The following EPHA6 variants were observed in gnomAD, a reference collection of about 807,000 sequenced individuals.
The protein encoded by EPHA6 is EPH receptor A6.
In EPHA6, 50 loss-of-function variants were observed where a neutral mutation model predicts 112.0. The ratio of observed to expected loss-of-function variants is 0.45; its 90% CI spans 0.36 to 0.56. The LOEUF is 0.56. Ranked by LOEUF, EPHA6 falls within the 20% of genes least tolerant of loss-of-function variation. The pLI is 0.00. For synonymous variants in EPHA6, 529 were observed against 490.7 expected, an observed-to-expected ratio of 1.08 and a Z score of -1.03; for missense variants, 1,280 against 1,417.4, an observed-to-expected ratio of 0.90 and a Z score of 1.56.
At chr3:96,890,313 A>G (rs2037880079) in intron 2 of EPHA6, among the ~76,000 whole-genome samples, 1 of 152,178 alleles carries the variant, frequency 6.6e-6, no homozygotes, top group Non-Finnish European at 1.5e-5. Flanking sequence ...CAAACCAACA[A>G]GAAGACAGAT....
At chr3:97,143,302 C>T (rs1234693394) in intron 3 of EPHA6, among the ~76,000 whole-genome samples, 1 of 151,686 alleles carries the variant, frequency 6.6e-6, no homozygotes, top group East Asian at 1.9e-4. Flanking sequence ...TGTAACAAGC[C>T]TGTGCCTACA....
intron 3 of EPHA6, among the ~76,000 whole-genome samples, chr3:97,126,426 C>G (rs538101771): frequency 4.6e-5 from 7 of 152,194 alleles, no homozygotes; most frequent in African/African-American, 1.7e-4. Context: ...CCAAAAAGCA[C>G]GATGAAAAAG....
intron 3 of EPHA6, among the ~76,000 whole-genome samples, chr3:97,192,924 C>T (rs752916525): frequency 1.3e-5 from 2 of 152,002 alleles, no homozygotes; most frequent in African/African-American, 4.8e-5. Flanking sequence ...GTTCTTGGCA[C>T]CTTTGTTGAA....
At chr3:97,353,946 T>C (rs971739368) in intron 5 of EPHA6, among the ~76,000 whole-genome samples, 2 of 152,132 alleles carry the variant, frequency 1.3e-5, no homozygotes, top group African/African-American at 4.8e-5. Context: ...ATTCCATTTG[T>C]TTGAGGGAAA....
At chr3:97,271,524 C>T (rs527582935) in intron 5 of EPHA6, among the ~76,000 whole-genome samples, 2 of 152,096 alleles carry the variant, frequency 1.3e-5, no homozygotes, top group African/African-American at 4.8e-5. Flanking sequence ...TACCCGGCTA[C>T]TTTTTGTATT....
intron 3 of EPHA6, among the ~76,000 whole-genome samples, chr3:97,195,930 T>C (rs2077429606): frequency 6.6e-6 from 1 of 152,080 alleles, no homozygotes; most frequent in African/African-American, 2.4e-5. Flanking sequence ...ATCCTTGACT[T>C]TTATGAGTTT....
chr3:97,354,661 TAG>T (rs2083977960), intron 5 of EPHA6, among the ~76,000 whole-genome samples: 1 of 152,026 alleles, frequency 6.6e-6, no homozygotes, highest in African/African-American at 2.4e-5. Context: ...AAAGAGGCAG[TAG>T]AGAGAGAGAT....
chr3:97,375,204 T>G (rs2085284954), intron 5 of EPHA6, among the ~76,000 whole-genome samples: 1 of 152,182 alleles, frequency 6.6e-6, no homozygotes, highest in African/African-American at 2.4e-5. Flanking sequence ...CAAAGGGCTT[T>G]CTTTCTCTCC....
intron 5 of EPHA6, among the ~76,000 whole-genome samples, chr3:97,321,931 A>G (rs937650964): frequency 3.3e-5 from 5 of 152,056 alleles, no homozygotes; most frequent in Admixed American, 1.3e-4. Context: ...ATGTTAAGAC[A>G]ACAGCAAACT....
At chr3:97,441,355 C>A in intron 6 of EPHA6, 1 of 533,644 alleles carries the variant, frequency 1.9e-6, no homozygotes, top group Non-Finnish European at 2.4e-6. Context: ...ATTCACTTGG[C>A]AACAGATAAA....
chr3:96,825,430 T>C (rs2033584365), intron 1 of EPHA6, among the ~76,000 whole-genome samples: 1 of 151,936 alleles, frequency 6.6e-6, no homozygotes, highest in Non-Finnish European at 1.5e-5. Context: ...AGTACATGTA[T>C]GGTTTACGAT....
intron 3 of EPHA6, among the ~76,000 whole-genome samples, chr3:97,009,756 G>A (rs2044013840): frequency 6.6e-6 from 1 of 152,184 alleles, no homozygotes; most frequent in South Asian, 2.1e-4. Context: ...TTCGATCCAT[G>A]GGTTGCACAG....
At chr3:97,285,754 T>A (rs2080444444) in intron 5 of EPHA6, among the ~76,000 whole-genome samples, 1 of 152,144 alleles carries the variant, frequency 6.6e-6, no homozygotes, top group Non-Finnish European at 1.5e-5. Context: ...GATTGCTACA[T>A]CCTATGGTAG....
intron 3 of EPHA6, among the ~76,000 whole-genome samples, chr3:97,016,647 A>G (rs1379491230): frequency 6.6e-6 from 1 of 152,190 alleles, no homozygotes; most frequent in African/African-American, 2.4e-5. Context: ...TGAACCCATC[A>G]TCACAACTAA....
intron 6 of EPHA6, among the ~76,000 whole-genome samples, chr3:97,436,664 A>G (rs576956350): frequency 2.8e-4 from 43 of 152,242 alleles, no homozygotes; most frequent in Non-Finnish European, 4.9e-4. Context: ...TTGCAAAATA[A>G]TTTTTCATGT....
chr3:96,892,995 T>C (rs951665049), intron 2 of EPHA6, among the ~76,000 whole-genome samples: 11 of 151,828 alleles, frequency 7.2e-5, no homozygotes, highest in Non-Finnish European at 1.6e-4. Flanking sequence ...TGTGTGTGTG[T>C]GTGCGCGCGC....
At chr3:97,537,564 C>A (rs1255601808) in intron 11 of EPHA6, among the ~76,000 whole-genome samples, 1 of 151,922 alleles carries the variant, frequency 6.6e-6, no homozygotes, top group Non-Finnish European at 1.5e-5. Flanking sequence ...TATTTAGTGT[C>A]CATTTTTCTA....
chr3:97,198,870 A>G (rs774650591), intron 3 of EPHA6, among the ~76,000 whole-genome samples: 9 of 152,142 alleles, frequency 5.9e-5, no homozygotes, highest in Non-Finnish European at 8.8e-5. Context: ...AAAGTTTGAT[A>G]TTTGTATATA....
At chr3:96,943,030 A>G (rs1238949206) in intron 2 of EPHA6, among the ~76,000 whole-genome samples, 1 of 152,004 alleles carries the variant, frequency 6.6e-6, no homozygotes, top group African/African-American at 2.4e-5. Flanking sequence ...GGTAACTACT[A>G]TTCTCTTTTC....
Sources: gnomAD v4.1 joint callset for allele counts (sites outside exome capture counted in the v4.1 genomes callset) on GRCh38, gnomAD v4.1.1 for gene constraint, MANE v1.5 for transcripts, NCBI Gene and HGNC (gene_info 2026-07-23, HGNC 2026-07-21) for gene names.